Variants in STK40 observed in about 807,000 individuals in gnomAD.
STK40 encodes serine/threonine kinase 40, also known as serine/threonine-protein kinase 40.
In STK40, 13 loss-of-function variants were observed where a neutral mutation model predicts 47.9. The ratio of observed to expected loss-of-function variants is 0.27; its 90% CI spans 0.18 to 0.43. The LOEUF is 0.43. Among genes scored for constraint, STK40 ranks in the 20% least tolerant of loss-of-function variants. The pLI is 1.00. For missense variants in STK40, 460 were observed against 595.1 expected, an observed-to-expected ratio of 0.77 and a Z score of 2.36; for synonymous variants, 225 against 243.2, an observed-to-expected ratio of 0.93 and a Z score of 0.69.
chr1:36,362,272 G>C (rs1433822670), intron 1 of STK40, among the ~76,000 whole-genome samples: 1 of 152,090 alleles, frequency 6.6e-6, no homozygotes, highest in Non-Finnish European at 1.5e-5. Flanking sequence ...AGCAGGATCC[G>C]GGGGGGACAA....
chr1:36,379,734 G>A (rs550633423), intron 1 of STK40, among the ~76,000 whole-genome samples: 13 of 152,148 alleles, frequency 8.5e-5, no homozygotes, highest in African/African-American at 2.9e-4. Flanking sequence ...CAGGACGTAC[G>A]ACCTCAACCC....
intron 1 of STK40, among the ~76,000 whole-genome samples, chr1:36,370,311 G>A (rs990006979): frequency 1.3e-5 from 2 of 152,234 alleles, no homozygotes; most frequent in African/African-American, 4.8e-5. Context: ...CTGCTTTCCT[G>A]CGGCAAGATG....
chr1:36,369,229 C>CT (rs912336362), intron 1 of STK40, among the ~76,000 whole-genome samples: 1 of 152,210 alleles, frequency 6.6e-6, no homozygotes, highest in Admixed American at 6.5e-5. Flanking sequence ...TGTAGTGCAG[C>CT]TTCACAGGGT....
At chr1:36,356,663 G>A (rs1646808492) in intron 4 of STK40, among the ~76,000 whole-genome samples, 1 of 152,000 alleles carries the variant, frequency 6.6e-6, no homozygotes, top group Admixed American at 6.6e-5. Flanking sequence ...CTGACCTCAT[G>A]ATCCGCCCGC....
intron 7 of STK40, among the ~76,000 whole-genome samples, chr1:36,346,367 C>T (rs370910455): frequency 1.3e-5 from 2 of 152,174 alleles, no homozygotes; most frequent in South Asian, 4.1e-4. Flanking sequence ...AATGGAGGCT[C>T]AGAGAGGTCT....
At chr1:36,348,588 C>A (rs927381754) in intron 7 of STK40, 112 bp downstream of exon 7, 1 of 898,828 alleles carries the variant, frequency 1.1e-6, no homozygotes, top group Admixed American at 2.0e-5. Context: ...TCTGGGCCCC[C>A]AGTGAAGCCC....
intron 4 of STK40, among the ~76,000 whole-genome samples, chr1:36,357,735 G>A (rs1316761436): frequency 6.6e-6 from 1 of 152,208 alleles, no homozygotes; most frequent in Non-Finnish European, 1.5e-5. Flanking sequence ...TCCTGCCTCA[G>A]CCTCCCGAGT....
intron 1 of STK40, among the ~76,000 whole-genome samples, chr1:36,380,860 G>C (rs1041837747): frequency 3.5e-4 from 54 of 152,302 alleles, no homozygotes; most frequent in Admixed American, 1.8e-3. Flanking sequence ...GGGTCTACAA[G>C]ACCTTCCAAC....
At chr1:36,354,556 G>A (rs2124733389) in intron 5 of STK40, 140 bp from the exon 6 acceptor site, 1 of 839,834 alleles carries the variant, frequency 1.2e-6, no homozygotes, top group East Asian at 2.5e-5. Context: ...CCAAGCACAG[G>A]CAGATCAGGA....
At chr1:36,353,841 C>T (rs183887643) in intron 6 of STK40, among the ~76,000 whole-genome samples, 3 of 152,306 alleles carry the variant, frequency 2.0e-5, no homozygotes, top group African/African-American at 4.8e-5. Context: ...ACCTTCTGCA[C>T]GTAAACCTCA....
intron 9 of STK40, 91 bp from the exon 10 acceptor site, chr1:36,343,539 T>C: frequency 7.9e-7 from 1 of 1,267,546 alleles, no homozygotes; most frequent in Non-Finnish European, 1.1e-6. Flanking sequence ...CTGGGTTGTG[T>C]TCCTGCCATG....
intron 1 of STK40, among the ~76,000 whole-genome samples, chr1:36,379,706 GA>G (rs1051489899): frequency 1.3e-5 from 2 of 152,056 alleles, no homozygotes; most frequent in African/African-American, 4.8e-5. Context: ...TAGGGAGTGG[GA>G]ACACCTGTGT....
rs1646642755 is a variant in STK40 at position 36,341,078 on chromosome 1, G to A, written c.*677C>T. The A allele has an allele frequency of 6.5e-6, 1 of 152,684 alleles. No homozygotes were observed. The highest frequency in any genetic ancestry group is 2.1e-4 in the South Asian group (1 of 4,848). The allele number at this position is 152,684 out of a possible 1,614,324, so 9.5% of individuals were successfully genotyped here. A position where few individuals can be genotyped will look rare whatever the true frequency, so the allele number is the denominator to read the frequency against. On this transcript the variant is annotated 3_prime_UTR_variant, in exon 11 of 11. Transcript: ENST00000373132. ...TGGCAGGAGGGGCTTCCCTGCCTGG[G>A]GGTGAGGAGGGAGCTCACGTGTGGG...
intron 1 of STK40, among the ~76,000 whole-genome samples, chr1:36,381,376 A>G (rs533395629): frequency 2.0e-5 from 3 of 152,302 alleles, no homozygotes; most frequent in South Asian, 2.1e-4. Flanking sequence ...TGTGGTTCCT[A>G]AAGTGCCACA....
chr1:36,341,468 A>C lies in STK40; in HGVS notation c.*287T>G. On this transcript the variant is annotated 3_prime_UTR_variant, in exon 11 of 11. Coordinates refer to ENST00000373132, the MANE Select transcript of STK40 (RefSeq NM_001282547.2). Reference sequence around the variant, plus strand: ...CCCTCCTCCCTCTTGCTCAGTCCAGAGACAGCATGGTTAAAGAGACAGAGG... The same window carrying C: ...CCCTCCTCCCTCTTGCTCAGTCCAGCGACAGCATGGTTAAAGAGACAGAGG... 1 of 420,084 alleles carries C rather than the reference A, an allele frequency of 2.4e-6. No homozygotes were observed. The highest frequency in any genetic ancestry group is 4.5e-6 in the Non-Finnish European group (1 of 224,584). 26.0% of individuals were successfully genotyped at this position (420,084 alleles called of 1,614,324 possible). A position where few individuals can be genotyped will look rare whatever the true frequency, so the allele number is the denominator to read the frequency against.
chr1:36,360,321 A>G (rs541437197), intron 2 of STK40, among the ~76,000 whole-genome samples: 30 of 152,306 alleles, frequency 2.0e-4, no homozygotes, highest in Middle Eastern at 3.4e-3. Flanking sequence ...ACTATAAGCA[A>G]TTTGGACTGC....
intron 5 of STK40, 90 bp downstream of exon 5, chr1:36,355,116 G>A (rs942052110): frequency 4.5e-6 from 6 of 1,336,390 alleles, no homozygotes; most frequent in Non-Finnish European, 6.3e-6. Context: ...GCACACCTGG[G>A]TGCACAGGAC....
At position 36,343,443 on chromosome 1, in the gene STK40, G is replaced by C; in HGVS notation, c.1010C>G (p.Ser337Cys). 1 of 1,613,034 alleles carries C rather than the reference G, an allele frequency of 6.2e-7. No individual in the cohort carries two copies. Among genetic ancestry groups the C allele is most frequent in the Non-Finnish European group, 8.5e-7 (1 of 1,179,422 alleles). ...CAAAGGCCCACTCAGAGATGACAGG[G>C]ACTGCCTGCAGGGAGGCAGACAGGT... ...ALSAIIASWQ[S>C]LSSLSGPLQV... The change falls in exon 10 of 11, where the codon TCC becomes TGC. Residue 337 changes from serine (S) to cysteine (C), a missense_variant. Around this residue, in one of 3 missense-constraint regions of STK40, gnomAD observed 181 missense variants for 218.9 expected, o/e 0.83. Coordinates refer to ENST00000373132, the MANE Select transcript of STK40 (RefSeq NM_001282547.2).
chr1:36,355,457 G>C, intron 4 of STK40, 24 bp from the exon 5 acceptor site: 1 of 1,613,318 alleles, frequency 6.2e-7, no homozygotes, highest in Non-Finnish European at 8.5e-7. Flanking sequence ...GGGTAGCGCA[G>C]GGCTTGGCTG....
Sources: gnomAD v4.1 joint callset for allele counts (sites outside exome capture counted in the v4.1 genomes callset) on GRCh38, gnomAD v4.1.1 for gene constraint, gnomAD v4.1.1 regional missense constraint, MANE v1.5 for transcripts, NCBI Gene and HGNC (gene_info 2026-07-23, HGNC 2026-07-21) for gene names.